LRMDA: variants seen among roughly 807,000 people sequenced by gnomAD.
The protein encoded by LRMDA is leucine-rich melanocyte differentiation-associated protein.
Under a neutral mutation model 29.8 loss-of-function variants are expected in LRMDA, and 18 were observed. That is an observed-to-expected ratio of 0.60 (90% CI 0.42 to 0.90). LRMDA has a LOEUF of 0.90. Ranked by LOEUF, LRMDA falls within the 40% of genes least tolerant of loss-of-function variation. LRMDA has a pLI of 0.00. For synonymous variants in LRMDA, 125 were observed against 109.4 expected (o/e 1.14, Z -0.89); for missense variants, 273 against 273.9 (o/e 1.00, Z 0.02).
At chr10:76,013,038 G>A (rs1359342835) in intron 2 of LRMDA, among the ~76,000 whole-genome samples, 5 of 152,170 alleles carry the variant, frequency 3.3e-5, no homozygotes, top group African/African-American at 1.2e-4. Context: ...AGGAAAAAAA[G>A]GGAGCAAAGA....
At chr10:76,166,512 T>A (rs550349106) in intron 5 of LRMDA, among the ~76,000 whole-genome samples, 2 of 152,258 alleles carry the variant, frequency 1.3e-5, no homozygotes, top group South Asian at 2.1e-4. Context: ...TCTTCCTCTC[T>A]TATGTGTCCA....
chr10:76,288,714 C>T (rs1840303168), intron 5 of LRMDA, among the ~76,000 whole-genome samples: 1 of 152,042 alleles, frequency 6.6e-6, no homozygotes, highest in Non-Finnish European at 1.5e-5. Context: ...ATGCTATGAC[C>T]AGATTTGCAC....
At chr10:75,496,694 A>G (rs1845048242) in intron 2 of LRMDA, among the ~76,000 whole-genome samples, 1 of 152,176 alleles carries the variant, frequency 6.6e-6, no homozygotes, top group Admixed American at 6.5e-5. Flanking sequence ...AATTGGAAGC[A>G]TGAACTGACC....
intron 6 of LRMDA, among the ~76,000 whole-genome samples, chr10:76,556,015 A>T (rs969144478): frequency 1.3e-5 from 2 of 152,224 alleles, no homozygotes; most frequent in Non-Finnish European, 2.9e-5. Context: ...ATAGAAGAAA[A>T]TAAAAATGCA....
At chr10:76,473,064 T>A (rs1489044481) in intron 6 of LRMDA, among the ~76,000 whole-genome samples, 3 of 151,546 alleles carry the variant, frequency 2.0e-5, no homozygotes, top group Non-Finnish European at 4.4e-5. Context: ...GAAAAAGGCA[T>A]CATAAGAAAG....
intron 6 of LRMDA, among the ~76,000 whole-genome samples, chr10:76,486,815 G>A (rs1842786795): frequency 6.6e-6 from 1 of 151,830 alleles, no homozygotes; most frequent in South Asian, 2.1e-4. Context: ...TGCTGCCACT[G>A]CCACAGCTGC....
intron 6 of LRMDA, among the ~76,000 whole-genome samples, chr10:76,536,601 T>C (rs1383193305): frequency 1.3e-5 from 2 of 152,244 alleles, no homozygotes; most frequent in Non-Finnish European, 2.9e-5. Context: ...TCCCACATTC[T>C]GAATTTTTCT....
chr10:76,391,337 A>G (rs1841722158), intron 6 of LRMDA, among the ~76,000 whole-genome samples: 1 of 152,200 alleles, frequency 6.6e-6, no homozygotes, highest in South Asian at 2.1e-4. Flanking sequence ...GATAGCCTAC[A>G]ATGTTACCAG....
intron 2 of LRMDA, among the ~76,000 whole-genome samples, chr10:75,668,811 G>T (rs1048478405): frequency 6.6e-6 from 1 of 152,126 alleles, no homozygotes; most frequent in Non-Finnish European, 1.5e-5. Context: ...GGAATGTGGG[G>T]ACTCCAGAGA....
chr10:76,421,559 T>G (rs1251493130), intron 6 of LRMDA, among the ~76,000 whole-genome samples: 59 of 152,204 alleles, frequency 3.9e-4, no homozygotes, highest in Non-Finnish European at 7.4e-5. Context: ...ACAGCCGCCC[T>G]TTTTCTAATA....
At chr10:76,122,932 G>A (rs541074415) in intron 5 of LRMDA, among the ~76,000 whole-genome samples, 5 of 152,224 alleles carry the variant, frequency 3.3e-5, no homozygotes, top group Middle Eastern at 3.4e-3. Context: ...AGGGATGAAG[G>A]TTCCACCTCT....
chr10:75,468,386 T>C (rs755086533), intron 2 of LRMDA, among the ~76,000 whole-genome samples: 31 of 152,146 alleles, frequency 2.0e-4, no homozygotes, highest in Non-Finnish European at 3.8e-4. Context: ...TATTGTGTGG[T>C]CATTGCATGT....
At chr10:76,005,596 G>A (rs1168840219) in intron 2 of LRMDA, among the ~76,000 whole-genome samples, 1 of 148,990 alleles carries the variant, frequency 6.7e-6, no homozygotes, top group African/African-American at 2.5e-5. Flanking sequence ...CTGGGTAACA[G>A]AGTCCTATCT....
chr10:75,770,426 A>T (rs1843224225), intron 2 of LRMDA, among the ~76,000 whole-genome samples: 1 of 152,252 alleles, frequency 6.6e-6, no homozygotes, highest in African/African-American at 2.4e-5. Context: ...CATTTTATGT[A>T]ATATGTATTT....
intron 2 of LRMDA, among the ~76,000 whole-genome samples, chr10:75,937,509 G>GTT (rs1342112010): frequency 6.6e-6 from 1 of 152,196 alleles, no homozygotes; most frequent in Non-Finnish European, 1.5e-5. Flanking sequence ...TCAAAGTAAA[G>GTT]CAGGTGCTGT....
At chr10:76,122,908 A>C (rs1589337310) in intron 5 of LRMDA, among the ~76,000 whole-genome samples, 1 of 152,222 alleles carries the variant, frequency 6.6e-6, no homozygotes, top group Non-Finnish European at 1.5e-5. Context: ...TTTAGCTCTA[A>C]GTTCCTTCAG....
At chr10:75,886,727 G>A (rs979715125) in intron 2 of LRMDA, among the ~76,000 whole-genome samples, 19 of 152,138 alleles carry the variant, frequency 1.2e-4, no homozygotes, top group Admixed American at 2.0e-4. Context: ...TAATTAAGCT[G>A]TTTCCTATCC....
At chr10:75,967,136 G>A (rs896799488) in intron 2 of LRMDA, among the ~76,000 whole-genome samples, 1 of 152,214 alleles carries the variant, frequency 6.6e-6, no homozygotes, top group East Asian at 1.9e-4. Flanking sequence ...GTTTTGTGCG[G>A]TAGAGCTGAG....
intron 2 of LRMDA, among the ~76,000 whole-genome samples, chr10:75,476,871 T>G (rs1844800077): frequency 6.6e-6 from 1 of 152,160 alleles, no homozygotes; most frequent in African/African-American, 2.4e-5. Context: ...GAGAATTGAT[T>G]TCTTCTGAGG....
Sources: allele counts gnomAD v4.1 joint callset (sites outside exome capture counted in the v4.1 genomes callset), GRCh38; gene constraint gnomAD v4.1.1; transcripts MANE v1.5; gene names NCBI Gene and HGNC (gene_info 2026-07-23, HGNC 2026-07-21).